CHN2: variants seen among roughly 807,000 people sequenced by gnomAD.
CHN2 encodes the protein beta-chimaerin.
Under a neutral mutation model 56.3 loss-of-function variants are expected in CHN2, and 35 were observed. The observed-to-expected ratio is 0.62, with a 90% CI of 0.47 to 0.82. The LOEUF (loss-of-function observed/expected upper bound fraction) is 0.82, where lower values mean the gene tolerates loss of function less well. Among genes scored for constraint, CHN2 ranks in the 40% least tolerant of loss-of-function variants. The pLI, the probability that CHN2 is intolerant of heterozygous loss-of-function variation, is 0.00. For missense variants in CHN2, 491 were observed against 580.5 expected, an observed-to-expected ratio of 0.85 and a Z score of 1.58; for synonymous variants, 210 against 212.8, an observed-to-expected ratio of 0.99 and a Z score of 0.12.
intron 2 of CHN2, among the ~76,000 whole-genome samples, chr7:29,153,907 A>T (rs1306562687): frequency 2.0e-5 from 3 of 152,074 alleles, no homozygotes; most frequent in Non-Finnish European, 4.4e-5. Flanking sequence ...TCTTTTCTCT[A>T]GCTTACTTTC....
chr7:29,232,904 T>C (rs568026201), intron 1 of CHN2, among the ~76,000 whole-genome samples: 1 of 152,352 alleles, frequency 6.6e-6, no homozygotes, highest in Admixed American at 6.5e-5. Flanking sequence ...TATTGAATTG[T>C]CCTCATGTGT....
intron 1 of CHN2, among the ~76,000 whole-genome samples, chr7:29,255,972 TA>T (rs1018502765): frequency 6.6e-6 from 1 of 152,272 alleles, no homozygotes; most frequent in African/African-American, 2.4e-5. Context: ...CTTCCAAATG[TA>T]ACTTAATCCA....
upstream of CHN2, chr7:29,194,391 C>G (rs1205259461): frequency 1.3e-5 from 2 of 152,506 alleles, no homozygotes; most frequent in Non-Finnish European, 2.9e-5. Context: ...CGAACCACCC[C>G]CCGAGCGACC....
intron 6 of CHN2, among the ~76,000 whole-genome samples, chr7:29,440,817 A>G (rs2128123535): frequency 6.6e-6 from 1 of 152,248 alleles, no homozygotes; most frequent in African/African-American, 2.4e-5. Flanking sequence ...ATAAGAAGAA[A>G]GCCCATACAT....
chr7:29,350,663 G>A (rs940002844), intron 1 of CHN2, among the ~76,000 whole-genome samples: 4 of 152,200 alleles, frequency 2.6e-5, no homozygotes, highest in Non-Finnish European at 5.9e-5. Context: ...AGTGAAGAGA[G>A]AGAAGACAAC....
chr7:29,223,066 G>C (rs1785927215), intron 1 of CHN2, among the ~76,000 whole-genome samples: 4 of 152,226 alleles, frequency 2.6e-5, no homozygotes, highest in African/African-American at 9.6e-5. Context: ...AGCTTTCAGA[G>C]AAGAGAATAT....
chr7:29,422,241 A>C (rs926230914), intron 6 of CHN2, among the ~76,000 whole-genome samples: 1 of 152,150 alleles, frequency 6.6e-6, no homozygotes, highest in Non-Finnish European at 1.5e-5. Flanking sequence ...GAATGATGGA[A>C]GGTTGGGCGT....
chr7:29,149,635 G>C (rs1054942737), intron 2 of CHN2, among the ~76,000 whole-genome samples: 2 of 152,174 alleles, frequency 1.3e-5, no homozygotes, highest in Non-Finnish European at 2.9e-5. Context: ...TTGTCTCATA[G>C]TTCTGGAGGC....
At chr7:29,447,141 A>G (rs1320303517) in intron 6 of CHN2, among the ~76,000 whole-genome samples, 4 of 152,196 alleles carry the variant, frequency 2.6e-5, no homozygotes, top group East Asian at 1.9e-4. Context: ...AACATCATCT[A>G]TGAGGGGACT....
At chr7:29,461,990 G>C (rs959528046) in intron 6 of CHN2, among the ~76,000 whole-genome samples, 1 of 152,152 alleles carries the variant, frequency 6.6e-6, no homozygotes, top group Non-Finnish European at 1.5e-5. Flanking sequence ...TGAAACATTT[G>C]TGTCTATAAA....
intron 6 of CHN2, among the ~76,000 whole-genome samples, chr7:29,469,419 C>T (rs757472423): frequency 3.1e-4 from 47 of 152,218 alleles, no homozygotes; most frequent in Non-Finnish European, 4.9e-4. Flanking sequence ...TGGCTGCTCA[C>T]GTCACTCAGA....
At chr7:29,499,720 T>C in intron 8 of CHN2, 147 bp from the exon 9 acceptor site, 1 of 625,974 alleles carries the variant, frequency 1.6e-6, no homozygotes, top group South Asian at 2.8e-5. Context: ...GTATTTATCC[T>C]GTAGAGAGTC....
chr7:29,408,774 T>C (rs757742818), intron 6 of CHN2, among the ~76,000 whole-genome samples: 1 of 152,200 alleles, frequency 6.6e-6, no homozygotes, highest in Non-Finnish European at 1.5e-5. Context: ...AGTTCCTCAA[T>C]ATCGGTGTTT....
In CHN2 at chr7:29,512,599, C is replaced by T. The variant is rs1562683313; in HGVS notation, c.1271C>T (p.Ala424Val). ...AATGAAAAAGACAATTTCATGAATG[C>T]AGAAAATCTGGGGATCGTGTTTGGG... ...TMNEKDNFMN[A>V]ENLGIVFGPT... The change falls in exon 13 of 13, where the codon GCA becomes GTA. Residue 424 changes from alanine (A) to valine (V), a missense_variant. Coordinates refer to ENST00000222792, the MANE Select transcript of CHN2 (RefSeq NM_004067.4). 6.2e-7 allele frequency: 1 copy of T among 1,613,316 alleles called. No individual in the cohort carries two copies. The highest frequency in any genetic ancestry group is 8.5e-7 in the Non-Finnish European group (1 of 1,179,772).
At chr7:29,500,182 C>G in intron 9 of CHN2, 142 bp downstream of exon 9, 1 of 520,498 alleles carries the variant, frequency 1.9e-6, no homozygotes. Flanking sequence ...CACACTCTCT[C>G]TCTCTCACAG....
intron 1 of CHN2, among the ~76,000 whole-genome samples, chr7:29,298,150 C>T (rs1049639878): frequency 6.6e-6 from 1 of 152,188 alleles, no homozygotes; most frequent in African/African-American, 2.4e-5. Flanking sequence ...GTTTCTATCC[C>T]CACTACTGTT....
intron 7 of CHN2, among the ~76,000 whole-genome samples, chr7:29,495,329 C>G (rs1789151700): frequency 6.6e-6 from 1 of 152,170 alleles, no homozygotes; most frequent in Non-Finnish European, 1.5e-5. Flanking sequence ...TTTGGTCAAC[C>G]AGGAAAGATT....
chr7:29,496,622 C>T (rs1789322558), intron 8 of CHN2, among the ~76,000 whole-genome samples: 1 of 152,112 alleles, frequency 6.6e-6, no homozygotes. Context: ...TGCTCAGTAT[C>T]TCATTGTCAT....
intron 6 of CHN2, among the ~76,000 whole-genome samples, chr7:29,447,104 A>G (rs911489493): frequency 6.6e-6 from 1 of 152,234 alleles, no homozygotes; most frequent in African/African-American, 2.4e-5. Flanking sequence ...ACTAATGAAA[A>G]ATTACAGATG....
Sources: allele counts gnomAD v4.1 joint callset (sites outside exome capture counted in the v4.1 genomes callset), GRCh38; gene constraint gnomAD v4.1.1; transcripts MANE v1.5; gene names NCBI Gene and HGNC (gene_info 2026-07-23, HGNC 2026-07-21).